Variants in GGT5 observed in about 807,000 individuals in gnomAD.
GGT5 encodes gamma-glutamyltransferase 5, also known as glutathione hydrolase 5 proenzyme.
In GGT5, 50 loss-of-function variants were observed where a neutral mutation model predicts 58.1. The observed-to-expected ratio is 0.86, with a 90% CI of 0.69 to 1.09. GGT5 has a LOEUF of 1.09. GGT5 is among the 50% of genes least tolerant of loss of function. The pLI is 0.00. For synonymous variants in GGT5, 370 were observed against 346.1 expected (o/e 1.07, Z -0.77); for missense variants, 800 against 789.4 (o/e 1.01, Z -0.16).
chr22:24,228,501 A>C (rs2047844104), intron 6 of GGT5, among the ~76,000 whole-genome samples: 1 of 149,368 alleles, frequency 6.7e-6, no homozygotes, highest in South Asian at 2.1e-4. Flanking sequence ...CCCAGGCTGG[A>C]GTGCAGTGGT....
intron 11 of GGT5, among the ~76,000 whole-genome samples, chr22:24,222,195 AAAAAC>A (rs1024454398): frequency 2.0e-5 from 3 of 152,028 alleles, no homozygotes; most frequent in Non-Finnish European, 4.4e-5. Flanking sequence ...AACAAGCCAA[AAAAAC>A]AAAACAAAAC....
chr22:24,225,714 A>G (rs2047738994), intron 8 of GGT5, 62 bp from the exon 9 acceptor site: 7 of 967,414 alleles, frequency 7.2e-6, no homozygotes, highest in South Asian at 5.3e-5. Flanking sequence ...GACACCACTT[A>G]CCCTGCACGC....
chr22:24,233,158 C>A (rs957484060), intron 3 of GGT5, 140 bp from the exon 4 acceptor site: 1 of 671,142 alleles, frequency 1.5e-6, no homozygotes, highest in African/African-American at 1.8e-5. Flanking sequence ...CCTCCCTGCT[C>A]AAATCACCTG....
chr22:24,238,900 T>C (rs1305456931), intron 1 of GGT5, among the ~76,000 whole-genome samples: 1 of 12,078 alleles, frequency 8.3e-5, no homozygotes, highest in East Asian at 2.5e-3. Flanking sequence ...TTTATATATA[T>C]ATATATTATA....
chr22:24,241,373 C>T (rs1251481981), intron 1 of GGT5: 3 of 152,156 alleles, frequency 2.0e-5, no homozygotes, highest in East Asian at 3.8e-4. Flanking sequence ...GAGTTGATCT[C>T]GAAGTCTGGA....
chr22:24,229,240 C>G (rs1224755523), intron 6 of GGT5, among the ~76,000 whole-genome samples: 1 of 150,256 alleles, frequency 6.7e-6, no homozygotes, highest in Non-Finnish European at 1.5e-5. Flanking sequence ...CCCATCTTTA[C>G]TAATAATACA....
In GGT5 at chr22:24,245,004, G is replaced by A. The variant is rs1408771817; in HGVS notation, c.-279C>T. Reference sequence around the variant, plus strand: ...AGGTCTGAACAGCGGGCTGCCAGATGGACAGATGGGTGAATGGACAGATGG... The same window carrying A: ...AGGTCTGAACAGCGGGCTGCCAGATAGACAGATGGGTGAATGGACAGATGG... On this transcript the variant is annotated 5_prime_UTR_variant, in exon 1 of 12. Transcript: ENST00000327365. 4.3e-6 allele frequency: 2 copies of A among 463,172 alleles called. No homozygotes were observed. Among genetic ancestry groups the A allele is most frequent in the Non-Finnish European group, 7.7e-6 (2 of 259,538 alleles). The allele number at this position is 463,172 out of a possible 1,614,324, so 28.7% of individuals were successfully genotyped here. A position where few individuals can be genotyped will look rare whatever the true frequency, so the allele number is the denominator to read the frequency against.
chr22:24,233,383 C>A (rs893072450), intron 3 of GGT5, 115 bp downstream of exon 3: 6 of 624,642 alleles, frequency 9.6e-6, no homozygotes, highest in Non-Finnish European at 1.7e-5. Context: ...GGCTCCGTGT[C>A]CCCCCGTGCC....
At chr22:24,231,828 C>T (rs987933816) in intron 5 of GGT5, among the ~76,000 whole-genome samples, 4 of 152,128 alleles carry the variant, frequency 2.6e-5, no homozygotes, top group African/African-American at 7.2e-5. Context: ...CCGTGACCAT[C>T]GGTAACGCCC....
chr22:24,225,695 C>T (rs1029261650), intron 8 of GGT5, 43 bp from the exon 9 acceptor site: 1 of 1,218,390 alleles, frequency 8.2e-7, no homozygotes, highest in Non-Finnish European at 1.2e-6. Flanking sequence ...GGACCCGGGG[C>T]TCCCACCAGA....
chr22:24,236,485 C>T (rs965607610), intron 1 of GGT5, among the ~76,000 whole-genome samples: 2 of 152,170 alleles, frequency 1.3e-5, no homozygotes, highest in Non-Finnish European at 2.9e-5. Context: ...CTGTTAAGGC[C>T]GGGCGCGGTG....
At chr22:24,235,230 G>A (rs1358533408) in intron 1 of GGT5, among the ~76,000 whole-genome samples, 3 of 152,008 alleles carry the variant, frequency 2.0e-5, no homozygotes, top group Non-Finnish European at 4.4e-5. Context: ...GACTAATTTT[G>A]TATTTTTAGT....
At chr22:24,244,488 A>G in intron 1 of GGT5, 65 bp downstream of exon 1, 2 of 1,365,104 alleles carry the variant, frequency 1.5e-6, no homozygotes, top group South Asian at 1.2e-5. Context: ...ACACACACAC[A>G]CACGCCTTCT....
chr22:24,226,180 G>A lies in GGT5; in HGVS notation c.1125C>T (p.His375=). Residue 375 remains histidine, a synonymous_variant, in exon 8 of 12, where the codon CAC becomes CAT. Transcript: ENST00000327365. ...GGCCCCAGGCCTCGGCCAAGCTGTA[G>A]TGGCTGAGCTGGTGGTCCCCCCGGC... The part of the protein sequence containing the change: ...IDGRGDHQLS[H]YSLAEAWGHG... 6.2e-7 allele frequency: 1 copy of A among 1,610,806 alleles called. No homozygotes were observed. The highest frequency in any genetic ancestry group is 8.5e-7 in the Non-Finnish European group (1 of 1,179,842).
rs1381409357 is a variant in GGT5, at chr22:24,220,351, G to A, written c.1615-235C>T. The A allele has an allele frequency of 8.0e-6, 5 of 627,984 alleles. No homozygotes were observed. The East Asian group carries it at 1.5e-4, about 19-fold the overall frequency. The allele number at this position is 627,984 out of a possible 1,614,324, so 38.9% of individuals were successfully genotyped here. ...ACGAAGGACACCACCCAGGCCCGAA[G>A]ACCTCCAAATGCAAGTTCATGTCTG... On this transcript the variant is annotated intron_variant, in intron 11 of 11. Transcript: ENST00000327365.
intron 6 of GGT5, among the ~76,000 whole-genome samples, chr22:24,227,755 G>A (rs537991996): frequency 1.3e-5 from 2 of 151,442 alleles, no homozygotes; most frequent in South Asian, 2.1e-4. Flanking sequence ...GGAAGAGGCT[G>A]TGAAAATTTT....
intron 8 of GGT5, 89 bp downstream of exon 8, chr22:24,225,987 G>A: frequency 1.1e-6 from 1 of 927,758 alleles, no homozygotes; most frequent in East Asian, 2.7e-5. Context: ...GCTGCCCCGT[G>A]GGGACAAGTG....
chr22:24,238,683 G>A (rs1390217512), intron 1 of GGT5, among the ~76,000 whole-genome samples: 5 of 113,186 alleles, frequency 4.4e-5, no homozygotes, highest in Admixed American at 1.1e-4. Context: ...CAGCCTGGGC[G>A]ACAGAGCAAG....
intron 1 of GGT5, among the ~76,000 whole-genome samples, chr22:24,235,399 A>C (rs2048068302): frequency 6.6e-6 from 1 of 152,160 alleles, no homozygotes; most frequent in South Asian, 2.1e-4. Flanking sequence ...GGGGAAACCA[A>C]GGCCCAAAGA....
Sources: gnomAD v4.1 joint callset for allele counts (sites outside exome capture counted in the v4.1 genomes callset) on GRCh38, gnomAD v4.1.1 for gene constraint, MANE v1.5 for transcripts, NCBI Gene and HGNC (gene_info 2026-07-23, HGNC 2026-07-21) for gene names.